Variants in ARHGEF33 observed in about 807,000 individuals in gnomAD.
ARHGEF33 encodes Rho guanine nucleotide exchange factor 33.
Under a neutral mutation model 101.9 loss-of-function variants are expected in ARHGEF33, and 72 were observed. The ratio of observed to expected loss-of-function variants is 0.71; its 90% CI spans 0.58 to 0.86. The LOEUF (loss-of-function observed/expected upper bound fraction) is 0.86, where lower values mean the gene tolerates loss of function less well. ARHGEF33 is among the 40% of genes least tolerant of loss of function. ARHGEF33 has a pLI of 0.00. For synonymous variants in ARHGEF33, 499 were observed against 442.5 expected (o/e 1.13, Z -1.60); for missense variants, 1,169 against 1,111.3 (o/e 1.05, Z -0.74).
At chr2:38,960,963 T>G (rs974900197) in intron 16 of ARHGEF33, among the ~76,000 whole-genome samples, 1 of 152,192 alleles carries the variant, frequency 6.6e-6, no homozygotes, top group Non-Finnish European at 1.5e-5. Context: ...TAGACCTGAT[T>G]AACACACACG....
At position 38,931,193 on chromosome 2, in the gene ARHGEF33, G is replaced by A. The variant is rs544231521; in HGVS notation, c.447G>A (p.Glu149=). Residue 149 remains glutamate (E), a synonymous_variant, in exon 7 of 18, where the codon GAG becomes GAA. Coordinates refer to ENST00000409978, the MANE Select transcript of ARHGEF33 (RefSeq NM_001145451.5). ...CTTTTCGTTCTATCAATATCCCTGA[G>A]CCTGTTCTTCCAAGCGAAGACTTTA... ...GSPFRSINIP[E]PVLPSEDFTN... is the part of the protein sequence containing the mutation. The A allele has an allele frequency of 6.4e-7, 1 of 1,551,454 alleles. No homozygotes were observed. Among genetic ancestry groups the A allele is most frequent in the African/African-American group, 1.4e-5 (1 of 73,044 alleles).
At chr2:38,949,501 C>T (rs907553962) in intron 10 of ARHGEF33, among the ~76,000 whole-genome samples, 3 of 152,108 alleles carry the variant, frequency 2.0e-5, no homozygotes, top group Non-Finnish European at 4.4e-5. Flanking sequence ...CTCCTCTCCA[C>T]CCCACCCTTC....
At chr2:38,953,805 A>G (rs543039091) in intron 12 of ARHGEF33, among the ~76,000 whole-genome samples, 2 of 152,328 alleles carry the variant, frequency 1.3e-5, no homozygotes, top group Non-Finnish European at 2.9e-5. Flanking sequence ...CTGTCTTACT[A>G]AGTTTCTACT....
intron 1 of ARHGEF33, among the ~76,000 whole-genome samples, chr2:38,894,817 G>A (rs900432569): frequency 3.3e-5 from 5 of 152,006 alleles, no homozygotes; most frequent in African/African-American, 1.2e-4. Context: ...CTTTTAACTG[G>A]GTTTCCAAAA....
At chr2:38,899,381 T>A (rs1216563226) in intron 2 of ARHGEF33, among the ~76,000 whole-genome samples, 3 of 152,140 alleles carry the variant, frequency 2.0e-5, no homozygotes, top group Non-Finnish European at 2.9e-5. Flanking sequence ...AGATATGCCA[T>A]GTTTATCCTG....
At chr2:38,931,579 C>G (rs774952333) in intron 7 of ARHGEF33, among the ~76,000 whole-genome samples, 2 of 152,140 alleles carry the variant, frequency 1.3e-5, no homozygotes, top group Non-Finnish European at 2.9e-5. Context: ...CTTACTCTAA[C>G]AAGTCATTTT....
intron 9 of ARHGEF33, 53 bp downstream of exon 9, chr2:38,937,612 G>C (rs950655945): frequency 3.7e-6 from 4 of 1,090,246 alleles, no homozygotes; most frequent in Non-Finnish European, 4.0e-6. Context: ...GGATGTACCA[G>C]AGCTTTGAAC....
intron 5 of ARHGEF33, among the ~76,000 whole-genome samples, chr2:38,929,361 G>A (rs1361486324): frequency 6.6e-6 from 1 of 152,066 alleles, no homozygotes; most frequent in Non-Finnish European, 1.5e-5. Context: ...CCAGGAAGTG[G>A]AGGTTGTAGT....
intron 17 of ARHGEF33, among the ~76,000 whole-genome samples, chr2:38,968,891 G>A (rs139204022): frequency 5.3e-5 from 8 of 152,256 alleles, no homozygotes; most frequent in East Asian, 1.9e-4. Context: ...CTTAAGTAGC[G>A]TTTTCTGAGT....
chr2:38,938,559 C>T (rs903267795), intron 9 of ARHGEF33, among the ~76,000 whole-genome samples: 1 of 152,092 alleles, frequency 6.6e-6, no homozygotes, highest in Non-Finnish European at 1.5e-5. Context: ...AAGTTTTACA[C>T]TATTTTTTTT....
chr2:38,960,627 G>C lies in ARHGEF33; in HGVS notation c.2322G>C (p.Gln774His). 1 of 1,421,598 alleles carries C rather than the reference G, an allele frequency of 7.0e-7. No homozygotes were observed. 88.1% of individuals were successfully genotyped at this position (1,421,598 alleles called of 1,614,324 possible). Residue 774 changes from glutamine to histidine, a missense_variant, in exon 16 of 18, where the codon CAG becomes CAC. By Grantham distance (24) the Gln-to-His change is conservative (BLOSUM62 0). Transcript: ENST00000409978. ...AACAGAGGTCCCAAAGCGAAAAACA[G>C]ACCTATTTGGAAGTAAGGAGGGTAA... Reference protein sequence around the residue: ...FPQQRSQSEKQTYLEVRREMH... With the variant: ...FPQQRSQSEKHTYLEVRREMH...
rs543580032 is a variant in ARHGEF33, at chr2:38,974,580, G to C, written c.*737G>C. 4.6e-5 allele frequency: 7 copies of C among 152,326 alleles called. No homozygotes were observed. The highest frequency in any genetic ancestry group is 1.7e-4 in the African/African-American group (7 of 41,572). 9.4% of individuals were successfully genotyped at this position (152,326 alleles called of 1,614,324 possible). On this transcript the variant is annotated 3_prime_UTR_variant, in exon 18 of 18. Coordinates refer to ENST00000409978, the MANE Select transcript of ARHGEF33 (RefSeq NM_001145451.5). ...CCTTGTGTGGGTTGAGCTGAGGATG[G>C]AAACAGTCCAGTCTGTGTTTTATTG...
In ARHGEF33 at chr2:38,960,008, T is replaced by C; in HGVS notation, c.1703T>C (p.Leu568Pro). 6.5e-7 allele frequency: 1 copy of C among 1,548,978 alleles called. No homozygotes were observed. ...GCGGCCGAGCAGGACGTGAAGGCGCTGGCCGGGCCCCTGCAGGCCATCCCG... is the reference window on the plus strand; with the variant it reads ...GCGGCCGAGCAGGACGTGAAGGCGCCGGCCGGGCCCCTGCAGGCCATCCCG... ...FCAAEQDVKA[L>P]AGPLQAIPEM... The change falls in exon 16 of 18, where the codon CTG (leucine) becomes CCG (proline). Residue 568 changes from leucine (L) to proline (P), a missense_variant. By Grantham distance (98) the Leu-to-Pro change is moderately conservative. Coordinates refer to ENST00000409978, the MANE Select transcript of ARHGEF33 (RefSeq NM_001145451.5).
chr2:38,890,795 A>G (rs1301529242), intron 1 of ARHGEF33, among the ~76,000 whole-genome samples: 1 of 152,158 alleles, frequency 6.6e-6, no homozygotes, highest in Non-Finnish European at 1.5e-5. Context: ...ATTCAACATA[A>G]TGATCAGAAA....
At chr2:38,949,140 T>A (rs1337338671) in intron 10 of ARHGEF33, among the ~76,000 whole-genome samples, 1 of 152,108 alleles carries the variant, frequency 6.6e-6, no homozygotes, top group East Asian at 1.9e-4. Context: ...TGCTTGGAAA[T>A]GAGTTGAAAA....
chr2:38,957,957 CT>C, intron 14 of ARHGEF33, 76 bp from the exon 15 acceptor site: 1 of 1,483,674 alleles, frequency 6.7e-7, no homozygotes, highest in Non-Finnish European at 9.2e-7. Context: ...ATCTCTCTAT[CT>C]TTTTTGGCAT....
chr2:38,949,801 G>A (rs1667552489), intron 10 of ARHGEF33, among the ~76,000 whole-genome samples: 1 of 152,186 alleles, frequency 6.6e-6, no homozygotes, highest in African/African-American at 2.4e-5. Flanking sequence ...CCTCTGAGGA[G>A]GCCTCAGGAA....
chr2:38,971,930 C>T, intron 17 of ARHGEF33: 1 of 718,542 alleles, frequency 1.4e-6, no homozygotes, highest in Non-Finnish European at 2.6e-6. Flanking sequence ...GACATCAAAG[C>T]TTTCCTATTT....
Position 38,960,297 on chromosome 2 carries a change from G to A in ARHGEF33, c.1992G>A (p.Met664Ile), listed in dbSNP as rs1346105276. The A allele has an allele frequency of 3.9e-6, 6 of 1,546,182 alleles. No homozygotes were observed. In the Admixed American group the frequency reaches 1.2e-4, roughly 30 times the overall value. Residue 664 changes from methionine (M) to isoleucine (I), a missense_variant, in exon 16 of 18, where the codon ATG becomes ATA. Transcript: ENST00000409978. ...ICFLRPVSFA[M>I]EAERPEHPLQ... ...TCCTGCGGCCCGTCAGCTTCGCCAT[G>A]GAGGCCGAGCGGCCGGAGCACCCGC...
Sources: gnomAD v4.1 joint callset for allele counts (sites outside exome capture counted in the v4.1 genomes callset) on GRCh38, gnomAD v4.1.1 for gene constraint, MANE v1.5 for transcripts, NCBI Gene and HGNC (gene_info 2026-07-23, HGNC 2026-07-21) for gene names.